GCN1: variants seen among roughly 807,000 people sequenced by gnomAD.
GCN1 encodes stalled ribosome sensor GCN1.
GCN1 carries 90 observed loss-of-function variants against 288.4 expected under a neutral mutation model. That is an observed-to-expected ratio of 0.31 (90% CI 0.26 to 0.37). GCN1 has a LOEUF of 0.37. GCN1 is among the 10% of genes least tolerant of loss of function. The pLI, the probability that GCN1 is intolerant of heterozygous loss-of-function variation, is 1.00. For synonymous variants in GCN1, 1,386 were observed against 1,420.2 expected (o/e 0.98, Z 0.54); for missense variants, 2,586 against 3,419.9 (o/e 0.76, Z 6.08).
intron 53 of GCN1, 74 bp from the exon 54 acceptor site, chr12:120,132,096 C>A: frequency 1.0e-6 from 1 of 958,370 alleles, no homozygotes; most frequent in Non-Finnish European, 1.6e-6. Flanking sequence ...GCAGGCAGCT[C>A]TAGAGCCCAG....
rs931425663 is a variant in GCN1, at chr12:120,175,607, C to T, written c.1042+139G>A. The stretch of plus-strand genomic sequence containing the variant: ...GGTTTTGTTCATTCACACACATTCA[C>T]ATTCCAGTGTGACGTCCCCCTGGCC... On this transcript the variant is annotated intron_variant, in intron 11 of 57. Coordinates refer to ENST00000300648, the MANE Select transcript of GCN1 (RefSeq NM_006836.2). 7 of 860,786 alleles carry T rather than the reference C, an allele frequency of 8.1e-6. No homozygotes were observed. The African/African-American group carries it at 8.6e-5, about 11-fold the overall frequency. 53.3% of individuals were successfully genotyped at this position (860,786 alleles called of 1,614,324 possible). A position where few individuals can be genotyped will look rare whatever the true frequency, so the allele number is the denominator to read the frequency against.
intron 15 of GCN1, among the ~76,000 whole-genome samples, chr12:120,169,276 C>CAAAAAAAAAAAA (rs35819206): frequency 2.5e-3 from 165 of 66,580 alleles, no homozygotes; most frequent in African/African-American, 4.0e-3. Context: ...AACTCCGTCT[C>CAAAAAAAAAAAA]AAAAAAAAAA....
chr12:120,129,415 G>A lies in GCN1; in HGVS notation c.7751C>T (p.Pro2584Leu). ...GGGCTTGATGGCCTGGGGGTCCAGG[G>A]GAGGCAGTGGGTCCTTATTTGCCCA... ...IWWANKDPLPPLDPQAIKPIL... is the reference protein window; with the variant it reads ...IWWANKDPLPLLDPQAIKPIL... Residue 2584 changes from proline (P) to leucine (L), a missense_variant, in exon 57 of 58, where the codon CCC becomes CTC. Coordinates refer to ENST00000300648, the MANE Select transcript of GCN1 (RefSeq NM_006836.2). 1 of 1,613,906 alleles carries A rather than the reference G, an allele frequency of 6.2e-7. No individual in the cohort carries two copies. Among genetic ancestry groups the A allele is most frequent in the Non-Finnish European group, 8.5e-7 (1 of 1,179,790 alleles).
chr12:120,152,880 A>G (rs1028668659), intron 33 of GCN1, among the ~76,000 whole-genome samples: 1 of 152,056 alleles, frequency 6.6e-6, no homozygotes, highest in African/African-American at 2.4e-5. Flanking sequence ...ACGTTAGTGA[A>G]TAGAAAAAAT....
intron 51 of GCN1, 101 bp downstream of exon 51, chr12:120,136,401 C>G: frequency 1.1e-6 from 1 of 870,750 alleles, no homozygotes; most frequent in Non-Finnish European, 1.8e-6. Flanking sequence ...ATGCGGCTCT[C>G]CACAATAAAT....
rs1345947564 is a variant in GCN1, at chr12:120,184,129, G to A, written c.300C>T (p.Ser100=). The A allele has an allele frequency of 6.2e-7, 1 of 1,613,322 alleles. No individual in the cohort carries two copies. The highest frequency in any genetic ancestry group is 1.3e-5 in the African/African-American group (1 of 74,918). Residue 100 remains serine (S), a synonymous_variant, in exon 4 of 58, where the codon TCC becomes TCT. Coordinates refer to ENST00000300648, the MANE Select transcript of GCN1 (RefSeq NM_006836.2). The part of the protein sequence containing the change: ...LHSLQSSGIG[S]KAGVPSKSSG... ...CCTCTTACCTGGGAACACCTGCTTTGGAGCCTATACCAGAAGACTGCAGAG... is the reference window on the plus strand; with the variant it reads ...CCTCTTACCTGGGAACACCTGCTTTAGAGCCTATACCAGAAGACTGCAGAG...
intron 1 of GCN1, 104 bp downstream of exon 1, chr12:120,194,576 C>A: frequency 9.3e-7 from 1 of 1,073,372 alleles, no homozygotes; most frequent in Non-Finnish European, 1.3e-6. Context: ...TCCACAGCCA[C>A]CACCTCCAAC....
Position 120,134,814 on chromosome 12 carries a change from C to G in GCN1, c.7009-88G>C. On this transcript the variant is annotated intron_variant, in intron 51 of 57. Coordinates refer to ENST00000300648, the MANE Select transcript of GCN1 (RefSeq NM_006836.2). The surrounding 1 kb of genome is among the most constrained non-coding windows in gnomAD (Gnocchi z 5.0). ...CAGGCATGAGAACAAATGACAATCC[C>G]AAACCACCACAGCGAGTCCAGCTCT... 1 of 1,103,066 alleles carries G rather than the reference C, an allele frequency of 9.1e-7. No homozygotes were observed. The highest frequency in any genetic ancestry group is 2.4e-5 in the East Asian group (1 of 41,960). 68.3% of individuals were successfully genotyped at this position (1,103,066 alleles called of 1,614,324 possible). A position where few individuals can be genotyped will look rare whatever the true frequency, so the allele number is the denominator to read the frequency against.
chr12:120,170,880 G>A (rs1878292329), intron 14 of GCN1, among the ~76,000 whole-genome samples: 1 of 151,824 alleles, frequency 6.6e-6, no homozygotes, highest in Non-Finnish European at 1.5e-5. Flanking sequence ...AAAAAAGGAA[G>A]CCAAGCACAG....
rs940566386 is a variant in GCN1, at chr12:120,134,036, C to T, written c.7317+255G>A. Among the ~76,000 whole-genome samples, 3 of 152,156 alleles carry T rather than the reference C, an allele frequency of 2.0e-5. No individual in the cohort carries two copies. The highest frequency in any genetic ancestry group is 2.1e-4 in the South Asian group (1 of 4,832). ...GAGCCGAGATTGTGCCACTTCACTC[C>T]GGCCTGGGTGACACAGCAAGACTCA... On this transcript the variant is annotated intron_variant, in intron 53 of 57. Transcript: ENST00000300648. The surrounding 1 kb of genome is among the most constrained non-coding windows in gnomAD (Gnocchi z 5.0).
At chr12:120,157,646 G>T (rs902723366) in intron 26 of GCN1, among the ~76,000 whole-genome samples, 1 of 152,220 alleles carries the variant, frequency 6.6e-6, no homozygotes, top group Non-Finnish European at 1.5e-5. Flanking sequence ...TGGCAGGAGA[G>T]CCAGAGTCTA....
At position 120,173,816 on chromosome 12, in the gene GCN1, C is replaced by A. The variant is rs1878385111; in HGVS notation, c.1203G>T (p.Gly401=). The A allele has an allele frequency of 6.2e-7, 1 of 1,613,596 alleles. No homozygotes were observed. Among genetic ancestry groups the A allele is most frequent in the South Asian group, 1.1e-5 (1 of 91,070 alleles). The change falls in exon 14 of 58, where the codon GGG becomes GGT. Residue 401 remains glycine, a synonymous_variant. Coordinates refer to ENST00000300648, the MANE Select transcript of GCN1 (RefSeq NM_006836.2). The part of the protein sequence containing the change: ...IPFLQQEVHE[G]TLVHAVSVLA... Reference sequence around the variant, plus strand: ...GGACTGAGACAGCGTGTACCAAGGTCCCTTCATGAACTAGGGCAAAAAGCA... The same window carrying A: ...GGACTGAGACAGCGTGTACCAAGGTACCTTCATGAACTAGGGCAAAAAGCA...
intron 1 of GCN1, among the ~76,000 whole-genome samples, chr12:120,194,043 C>T (rs1221771963): frequency 6.6e-6 from 1 of 152,244 alleles, no homozygotes; most frequent in African/African-American, 2.4e-5. Flanking sequence ...TCTTCCTGGA[C>T]AGGACAGTTC....
rs55710290 is a variant in GCN1 at position 120,165,002 on chromosome 12, T to TACACACACACACAC, written c.1613-295_1613-282dup. 2.0e-3 allele frequency among the ~76,000 whole-genome samples: 277 copies of TACACACACACACAC among 136,858 alleles called. 1 individual carries two copies. The highest frequency in any genetic ancestry group is 6.5e-3 in the African/African-American group (231 of 35,416). 89.8% of individuals were successfully genotyped at this position (136,858 alleles called of 152,430 possible). ...ATACATATACATATATACACATATA[T>TACACACACACACAC]ACACACACACACACACACACACACA... On this transcript the variant is annotated intron_variant, in intron 16 of 57. Coordinates refer to ENST00000300648, the MANE Select transcript of GCN1 (RefSeq NM_006836.2).
chr12:120,137,560 TAG>T lies in GCN1; in HGVS notation c.6646_6647del (p.Leu2216LysfsTer5). 1 of 1,614,114 alleles carries T rather than the reference TAG, an allele frequency of 6.2e-7. No homozygotes were observed. Among genetic ancestry groups the T allele is most frequent in the Non-Finnish European group, 8.5e-7 (1 of 1,179,970 alleles). On this transcript the variant is annotated frameshift_variant, in exon 49 of 58. Coordinates refer to ENST00000300648, the MANE Select transcript of GCN1 (RefSeq NM_006836.2). LOFTEE classifies it high-confidence loss of function. This position sits in a 1 kb window ranked among gnomAD's most constrained non-coding sequence, Gnocchi z 5.2. ...PVVLEESWDA[L>X]NAITKKLDAG... Reference sequence around the variant, plus strand: ...GTCCCCTCACCTTAGTGATGGCATTTAGGGCATCCCAGCTCTCCTCCAGAACC... The same window carrying T: ...GTCCCCTCACCTTAGTGATGGCATTTGGCATCCCAGCTCTCCTCCAGAACC...
intron 57 of GCN1, 80 bp from the exon 58 acceptor site, chr12:120,128,054 G>C: frequency 6.7e-7 from 1 of 1,502,544 alleles, no homozygotes. Context: ...AGACAAAAAT[G>C]AATGTTAACC....
In GCN1 at chr12:120,142,370, T is replaced by C; in HGVS notation, c.5829+137A>G. ...AATTAATCAAAAAATATTTGCAGAATGACTAAGTAAAGAACACAATGTCCC... is the reference window on the plus strand; with the variant it reads ...AATTAATCAAAAAATATTTGCAGAACGACTAAGTAAAGAACACAATGTCCC... On this transcript the variant is annotated intron_variant, in intron 44 of 57. Transcript: ENST00000300648. This position sits in a 1 kb window ranked among gnomAD's most constrained non-coding sequence, Gnocchi z 4.9. 1 of 628,848 alleles carries C rather than the reference T, an allele frequency of 1.6e-6. No individual in the cohort carries two copies. The highest frequency in any genetic ancestry group is 2.8e-6 in the Non-Finnish European group (1 of 352,888). The allele number at this position is 628,848 out of a possible 1,614,324, so 39.0% of individuals were successfully genotyped here. A position where few individuals can be genotyped will look rare whatever the true frequency, so the allele number is the denominator to read the frequency against.
In GCN1 at chr12:120,142,798, A is replaced by G. The variant is rs1877241243; in HGVS notation, c.5613+26T>C. On this transcript the variant is annotated intron_variant, in intron 43 of 57. Coordinates refer to ENST00000300648, the MANE Select transcript of GCN1 (RefSeq NM_006836.2). The surrounding 1 kb of genome is among the most constrained non-coding windows in gnomAD (Gnocchi z 4.9). ...CATCAGGGCACACCCTACCATCAGC[A>G]GGGGCAGGAAAGCCACTGCAGGCAC... is the stretch of plus-strand genomic sequence containing the variant. 1.3e-6 allele frequency: 2 copies of G among 1,597,866 alleles called. No homozygotes were observed. The highest frequency in any genetic ancestry group is 1.7e-6 in the Non-Finnish European group (2 of 1,165,200).
intron 22 of GCN1, among the ~76,000 whole-genome samples, chr12:120,160,468 G>A (rs1189375970): frequency 6.6e-6 from 1 of 152,182 alleles, no homozygotes; most frequent in African/African-American, 2.4e-5. Context: ...AGAAGTAGTT[G>A]TTTTACTGGA....
Sources: gnomAD v4.1 joint callset for allele counts (sites outside exome capture counted in the v4.1 genomes callset) on GRCh38, gnomAD v4.1.1 for gene constraint, Gnocchi (gnomAD v3.1) non-coding constraint, MANE v1.5 for transcripts, NCBI Gene and HGNC (gene_info 2026-07-23, HGNC 2026-07-21) for gene names.